The following ZDHHC14 variants were observed in gnomAD, a reference collection of about 807,000 sequenced individuals.
ZDHHC14 encodes the protein zDHHC palmitoyltransferase 14, also known as palmitoyltransferase ZDHHC14.
ZDHHC14 carries 16 observed loss-of-function variants against 47.7 expected under a neutral mutation model. That is an observed-to-expected ratio of 0.34 (90% confidence interval 0.23 to 0.51). ZDHHC14 has a LOEUF of 0.51. Ranked by LOEUF, ZDHHC14 falls within the 20% of genes least tolerant of loss-of-function variation. The probability of loss-of-function intolerance (pLI) is 0.97; values close to 1 mark genes in which losing one functional copy is unlikely to be tolerated. For synonymous variants in ZDHHC14, 293 were observed against 278.9 expected (o/e 1.05, Z -0.50); for missense variants, 515 against 662.5 (o/e 0.78, Z 2.44).
In ZDHHC14 at chr6:157,645,773, G is replaced by A; in HGVS notation, c.789G>A (p.Trp263Ter). Reference sequence around the variant, plus strand: ...CTGTGGTGTGCTTCTTCTCTGTCTGGTCCATCGTTGGCCTCTCAGGATTCC... The same window carrying A: ...CTGTGGTGTGCTTCTTCTCTGTCTGATCCATCGTTGGCCTCTCAGGATTCC... ...LEAVVCFFSV[W>*]SIVGLSGFHT... The change falls in exon 6 of 9, where the codon TGG becomes TGA. Residue 263 changes from tryptophan to a stop codon, truncating the protein, a stop_gained. Coordinates refer to ENST00000359775, the MANE Select transcript of ZDHHC14 (RefSeq NM_024630.3). LOFTEE classifies it high-confidence loss of function. 6.2e-7 allele frequency: 1 copy of A among 1,614,054 alleles called. No homozygotes were observed. Among genetic ancestry groups the A allele is most frequent in the Non-Finnish European group, 8.5e-7 (1 of 1,180,022 alleles).
In ZDHHC14 at chr6:157,673,009, G is replaced by A; in HGVS notation, c.1354G>A (p.Ala452Thr). The change falls in exon 9 of 9, where the codon GCG becomes ACG. Residue 452 changes from alanine to threonine, a missense_variant. Transcript: ENST00000359775. This position sits in a 1 kb window ranked among gnomAD's most constrained non-coding sequence, Gnocchi z 5.4. ...GGCGCCCTCGCCCCCCAGGCTACTGGCGGCGGGCAGCCCCCTGGCGCACAG... is the reference window on the plus strand; with the variant it reads ...GGCGCCCTCGCCCCCCAGGCTACTGACGGCGGGCAGCCCCCTGGCGCACAG... ...DEAPSPPRLL[A>T]AGSPLAHSRT... The A allele has an allele frequency of 6.4e-7, 1 of 1,572,442 alleles. No individual in the cohort carries two copies. The highest frequency in any genetic ancestry group is 1.2e-5 in the South Asian group (1 of 86,760).
intron 1 of ZDHHC14, among the ~76,000 whole-genome samples, chr6:157,480,259 GT>G (rs544976884): frequency 3.8e-4 from 46 of 121,524 alleles, no homozygotes; most frequent in Middle Eastern, 4.4e-3. Context: ...GTTGTTTTGG[GT>G]TTTTTTTTTT....
At chr6:157,424,518 T>C (rs1445274016) in intron 1 of ZDHHC14, among the ~76,000 whole-genome samples, 1 of 152,218 alleles carries the variant, frequency 6.6e-6, no homozygotes, top group East Asian at 1.9e-4. Flanking sequence ...GAAGCCGTCC[T>C]GTTCTCCAAA....
chr6:157,392,645 ATG>A lies in ZDHHC14; in HGVS notation c.245+10407_245+10408del, dbSNP rs372653506. On this transcript the variant is annotated intron_variant, in intron 1 of 8. Transcript: ENST00000359775. Reference sequence around the variant, plus strand: ...GACTGGATCCATAATTAAGAGAAAGATGTGTGTGTGTGTGTGTGTGTGTGTGT... The same window carrying A: ...GACTGGATCCATAATTAAGAGAAAGATGTGTGTGTGTGTGTGTGTGTGTGT... Among the ~76,000 whole-genome samples the A allele has an allele frequency of 6.9e-4, 101 of 147,210 alleles. 1 individual carries two copies. The South Asian group carries it at 9.7e-3, about 14-fold the overall frequency.
intron 1 of ZDHHC14, among the ~76,000 whole-genome samples, chr6:157,423,219 C>A (rs576802052): frequency 1.3e-5 from 2 of 152,252 alleles, no homozygotes; most frequent in Admixed American, 6.5e-5. Flanking sequence ...ATTTTCCCAC[C>A]TCAAAAATGG....
intron 1 of ZDHHC14, among the ~76,000 whole-genome samples, chr6:157,441,890 G>T (rs1339572637): frequency 1.3e-5 from 2 of 152,162 alleles, no homozygotes; most frequent in Non-Finnish European, 2.9e-5. Context: ...GTATGTGTGT[G>T]TGAGATTTCC....
intron 1 of ZDHHC14, among the ~76,000 whole-genome samples, chr6:157,405,334 A>G (rs1002222604): frequency 2.0e-5 from 3 of 152,016 alleles, no homozygotes; most frequent in Admixed American, 2.0e-4. Context: ...CTGGGTTCAC[A>G]CTATTCTCCT....
intron 1 of ZDHHC14, among the ~76,000 whole-genome samples, chr6:157,465,828 G>C (rs372430567): frequency 3.9e-5 from 6 of 152,114 alleles, no homozygotes; most frequent in African/African-American, 1.4e-4. Context: ...GATCACCTGA[G>C]TCCAGGAGTT....
At chr6:157,637,290 CAG>C (rs1371605997) in intron 5 of ZDHHC14, among the ~76,000 whole-genome samples, 46 of 152,146 alleles carry the variant, frequency 3.0e-4, no homozygotes, top group South Asian at 2.1e-4. Flanking sequence ...AAGGGCCACT[CAG>C]GGGTCTGGCC....
intron 3 of ZDHHC14, among the ~76,000 whole-genome samples, chr6:157,613,504 T>A (rs1784833749): frequency 6.6e-6 from 1 of 152,154 alleles, no homozygotes; most frequent in African/African-American, 2.4e-5. Context: ...TATGCCGGGG[T>A]TAGCCCAGGG....
chr6:157,467,330 C>T (rs1382712026), intron 1 of ZDHHC14, among the ~76,000 whole-genome samples: 1 of 152,038 alleles, frequency 6.6e-6, no homozygotes, highest in African/African-American at 2.4e-5. Context: ...TGTCCTACCC[C>T]ACCACCCCTG....
intron 1 of ZDHHC14, among the ~76,000 whole-genome samples, chr6:157,434,827 C>G (rs1454565514): frequency 1.3e-5 from 2 of 152,120 alleles, no homozygotes; most frequent in Non-Finnish European, 2.9e-5. Context: ...AAACTGGACC[C>G]GCTCCATGAC....
intron 1 of ZDHHC14, among the ~76,000 whole-genome samples, chr6:157,390,046 G>A (rs933401661): frequency 5.3e-5 from 8 of 151,436 alleles, no homozygotes; most frequent in Admixed American, 6.6e-5. Context: ...ATCATTTTCC[G>A]TTGGCTTAAA....
chr6:157,481,474 A>G (rs1288759454), intron 1 of ZDHHC14, among the ~76,000 whole-genome samples: 1 of 152,116 alleles, frequency 6.6e-6, no homozygotes, highest in East Asian at 1.9e-4. Flanking sequence ...TGCTGGCCTG[A>G]TCTCCTGCAC....
intron 1 of ZDHHC14, among the ~76,000 whole-genome samples, chr6:157,537,587 C>G (rs938109941): frequency 6.6e-6 from 1 of 152,200 alleles, no homozygotes; most frequent in East Asian, 1.9e-4. Flanking sequence ...GACTAAGATG[C>G]CTGTAGCCTG....
chr6:157,397,670 T>C (rs1448565126), intron 1 of ZDHHC14, among the ~76,000 whole-genome samples: 1 of 152,206 alleles, frequency 6.6e-6, no homozygotes, highest in Non-Finnish European at 1.5e-5. Flanking sequence ...TAAGGTAACG[T>C]GTTCACAGGT....
At chr6:157,578,096 A>G (rs990272695) in intron 2 of ZDHHC14, among the ~76,000 whole-genome samples, 1 of 151,924 alleles carries the variant, frequency 6.6e-6, no homozygotes, top group African/African-American at 2.4e-5. Context: ...GGATATTACA[A>G]CTTTGTCAGA....
At chr6:157,435,645 TC>T (rs1429120673) in intron 1 of ZDHHC14, among the ~76,000 whole-genome samples, 1 of 152,146 alleles carries the variant, frequency 6.6e-6, no homozygotes. Context: ...GCTCAAGTGA[TC>T]CTCCTGCCTC....
chr6:157,583,982 T>C (rs983291385), intron 2 of ZDHHC14, among the ~76,000 whole-genome samples: 12 of 1,272 alleles, frequency 9.4e-3, no homozygotes, highest in African/African-American at 0.035. Flanking sequence ...GCAGGGTGGG[T>C]GGGTGGGTCC....
Sources: gnomAD v4.1 joint callset for allele counts (sites outside exome capture counted in the v4.1 genomes callset) on GRCh38, gnomAD v4.1.1 for gene constraint, Gnocchi (gnomAD v3.1) non-coding constraint, MANE v1.5 for transcripts, NCBI Gene and HGNC (gene_info 2026-07-23, HGNC 2026-07-21) for gene names.